MARCHF3: variants seen among roughly 807,000 people sequenced by gnomAD.
MARCHF3 encodes the protein E3 ubiquitin-protein ligase MARCHF3.
A neutral mutation model predicts 24.2 loss-of-function variants in MARCHF3; 13 were observed. That is an observed-to-expected ratio of 0.54 (90% CI 0.35 to 0.85). MARCHF3 has a LOEUF of 0.85. Ranked by LOEUF, MARCHF3 falls within the 40% of genes least tolerant of loss-of-function variation. The pLI is 0.01. For missense variants in MARCHF3, 276 were observed against 325.0 expected, an observed-to-expected ratio of 0.85 and a Z score of 1.16; for synonymous variants, 144 against 137.3, an observed-to-expected ratio of 1.05 and a Z score of -0.34.
At chr5:126,961,642 T>C (rs1159105461) in intron 1 of MARCHF3, among the ~76,000 whole-genome samples, 1 of 152,176 alleles carries the variant, frequency 6.6e-6, no homozygotes, top group African/African-American at 2.4e-5. Flanking sequence ...TCCATCGCAA[T>C]GTAGTCTGCC....
chr5:126,894,976 C>T (rs894287228), intron 3 of MARCHF3, among the ~76,000 whole-genome samples: 10 of 152,140 alleles, frequency 6.6e-5, no homozygotes, highest in Admixed American at 2.6e-4. Flanking sequence ...TCTTTTCACA[C>T]AGTCCCATAT....
intron 1 of MARCHF3, among the ~76,000 whole-genome samples, chr5:126,923,858 G>A (rs185209791): frequency 1.4e-4 from 21 of 152,258 alleles, no homozygotes; most frequent in African/African-American, 5.1e-4. Context: ...TGTCCTAGAA[G>A]GATCCTGTGT....
At chr5:126,976,526 A>AC (rs111564997) in intron 1 of MARCHF3, among the ~76,000 whole-genome samples, 7,846 of 152,256 alleles carry the variant, frequency 0.052, 373 homozygotes, top group South Asian at 0.13. Context: ...TGTGGTTTCC[A>AC]AAAGCTGAGC....
intron 3 of MARCHF3, among the ~76,000 whole-genome samples, chr5:126,909,588 TGTC>T (rs1554064545): frequency 6.6e-6 from 1 of 152,212 alleles, no homozygotes; most frequent in Non-Finnish European, 1.5e-5. Context: ...ATTTTCCAGG[TGTC>T]GTCTGTCACC....
chr5:126,876,170 T>C (rs1753149946), intron 4 of MARCHF3, among the ~76,000 whole-genome samples: 1 of 152,204 alleles, frequency 6.6e-6, no homozygotes, highest in Non-Finnish European at 1.5e-5. Flanking sequence ...TCTTCCTTTC[T>C]TCCTTCTTTT....
chr5:126,940,035 C>CA (rs917809344), intron 1 of MARCHF3, among the ~76,000 whole-genome samples: 2 of 151,898 alleles, frequency 1.3e-5, no homozygotes, highest in Admixed American at 1.3e-4. Context: ...CAACAAAATG[C>CA]AAAAAAATGT....
intron 1 of MARCHF3, among the ~76,000 whole-genome samples, chr5:126,923,418 T>G (rs1286963807): frequency 6.6e-6 from 1 of 152,148 alleles, no homozygotes; most frequent in Non-Finnish European, 1.5e-5. Flanking sequence ...GCACCTCTAT[T>G]TGGGTAGAAA....
chr5:126,926,285 G>A (rs1749295178), intron 1 of MARCHF3, among the ~76,000 whole-genome samples: 1 of 152,144 alleles, frequency 6.6e-6, no homozygotes, highest in East Asian at 1.9e-4. Flanking sequence ...CTGCAGTCTT[G>A]TCCACTGGCA....
intron 3 of MARCHF3, among the ~76,000 whole-genome samples, chr5:126,898,040 G>T (rs113721211): frequency 2.0e-5 from 3 of 151,988 alleles, no homozygotes; most frequent in African/African-American, 7.3e-5. Flanking sequence ...TAGGCTGGGG[G>T]TGGGGGACAG....
At chr5:126,992,955 G>C (rs1751822658) in intron 1 of MARCHF3, among the ~76,000 whole-genome samples, 1 of 151,956 alleles carries the variant, frequency 6.6e-6, no homozygotes, top group East Asian at 1.9e-4. Flanking sequence ...TGTATTTTTA[G>C]TAGAGACGGG....
chr5:126,894,674 C>G (rs1173349380), intron 3 of MARCHF3, among the ~76,000 whole-genome samples: 3 of 152,022 alleles, frequency 2.0e-5, no homozygotes, highest in Admixed American at 1.3e-4. Flanking sequence ...GTCTGATGGG[C>G]TTCCCTTTGA....
intron 1 of MARCHF3, among the ~76,000 whole-genome samples, chr5:127,001,139 G>T (rs1179027636): frequency 6.6e-6 from 1 of 151,988 alleles, no homozygotes; most frequent in Non-Finnish European, 1.5e-5. Flanking sequence ...TCGGGAGGCT[G>T]AGGCAGGAGG....
intron 4 of MARCHF3, 112 bp from the exon 5 acceptor site, chr5:126,870,903 T>A: frequency 7.1e-7 from 1 of 1,416,156 alleles, no homozygotes; most frequent in Non-Finnish European, 9.5e-7. Flanking sequence ...CTGGAAGCAC[T>A]ATGGCAGGGC....
At chr5:126,956,017 A>AATCACTTAT (rs1203329003) in intron 1 of MARCHF3, among the ~76,000 whole-genome samples, 5 of 152,174 alleles carry the variant, frequency 3.3e-5, no homozygotes, top group Admixed American at 1.3e-4. Flanking sequence ...AAGAGAACTA[A>AATCACTTAT]ATCACTTATT....
At chr5:126,955,512 G>A (rs1750409262) in intron 1 of MARCHF3, among the ~76,000 whole-genome samples, 1 of 152,106 alleles carries the variant, frequency 6.6e-6, no homozygotes, top group Non-Finnish European at 1.5e-5. Flanking sequence ...CATTATGAAG[G>A]GCGAGAAAGG....
At chr5:126,897,329 G>A (rs58223491) in intron 3 of MARCHF3, among the ~76,000 whole-genome samples, 4,686 of 151,886 alleles carry the variant, frequency 0.031, 250 homozygotes, top group African/African-American at 0.11. Flanking sequence ...ATGAGCCACC[G>A]CCCCTGGCCA....
intron 1 of MARCHF3, among the ~76,000 whole-genome samples, chr5:126,942,367 T>C (rs879535181): frequency 3.3e-5 from 5 of 152,162 alleles, no homozygotes; most frequent in Admixed American, 2.0e-4. Flanking sequence ...TAAACAAGTA[T>C]GGCTATATTT....
At chr5:127,021,337 T>C (rs2126863899) in intron 1 of MARCHF3, among the ~76,000 whole-genome samples, 1 of 152,282 alleles carries the variant, frequency 6.6e-6, no homozygotes, top group East Asian at 1.9e-4. Context: ...AAAAGCAGGA[T>C]GGCAAGAAAC....
intron 1 of MARCHF3, among the ~76,000 whole-genome samples, chr5:126,953,023 G>A (rs1750308567): frequency 6.6e-6 from 1 of 152,280 alleles, no homozygotes; most frequent in Admixed American, 6.5e-5. Flanking sequence ...GGTGTTGCTT[G>A]AGGGAAAATG....
Sources: gnomAD v4.1 joint callset for allele counts (sites outside exome capture counted in the v4.1 genomes callset) on GRCh38, gnomAD v4.1.1 for gene constraint, MANE v1.5 for transcripts, NCBI Gene and HGNC (gene_info 2026-07-23, HGNC 2026-07-21) for gene names.